Variants in RARB observed in about 807,000 individuals in gnomAD.
The protein encoded by RARB is HBV-activated protein.
In RARB, 17 loss-of-function variants were observed where a neutral mutation model predicts 51.9. The ratio of observed to expected loss-of-function variants is 0.33; its 90% CI spans 0.22 to 0.49. RARB has a LOEUF of 0.49. Among genes scored for constraint, RARB ranks in the 20% least tolerant of loss-of-function variants. The pLI is 0.99. For synonymous variants in RARB, 215 were observed against 195.4 expected, an observed-to-expected ratio of 1.10 and a Z score of -0.84; for missense variants, 369 against 550.8, an observed-to-expected ratio of 0.67 and a Z score of 3.30.
intron 4 of RARB, among the ~76,000 whole-genome samples, chr3:25,151,744 C>G (rs1575183881): frequency 6.6e-6 from 1 of 152,144 alleles, no homozygotes; most frequent in African/African-American, 2.4e-5. Flanking sequence ...AGTGGATGTC[C>G]TTTTGCTCCC....
chr3:25,538,929 G>A (rs966659879), intron 3 of RARB, among the ~76,000 whole-genome samples: 2 of 152,198 alleles, frequency 1.3e-5, no homozygotes, highest in Non-Finnish European at 2.9e-5. Context: ...CCCACAGCCA[G>A]CATTTTCCAA....
chr3:25,317,177 T>A (rs1405076598), intron 5 of RARB, among the ~76,000 whole-genome samples: 3 of 152,142 alleles, frequency 2.0e-5, no homozygotes, highest in Non-Finnish European at 1.5e-5. Context: ...GTCTTATTCT[T>A]TGTGTTCTTG....
chr3:25,216,581 TG>T (rs1449952375), intron 5 of RARB, among the ~76,000 whole-genome samples: 1 of 138,820 alleles, frequency 7.2e-6, no homozygotes, highest in East Asian at 2.2e-4. Context: ...CGGGGCCTAT[TG>T]GGGGGTGGGG....
intron 1 of RARB, among the ~76,000 whole-genome samples, chr3:24,839,281 T>C (rs1702386128): frequency 6.6e-6 from 1 of 152,138 alleles, no homozygotes; most frequent in African/African-American, 2.4e-5. Flanking sequence ...AGTGCTGTTC[T>C]TGAGTGTTTA....
intron 2 of RARB, among the ~76,000 whole-genome samples, chr3:25,026,274 A>C (rs1360052489): frequency 1.3e-5 from 2 of 152,216 alleles, no homozygotes; most frequent in African/African-American, 4.8e-5. Context: ...ACTCTAGTAA[A>C]ATATTACAGG....
intron 3 of RARB, among the ~76,000 whole-genome samples, chr3:25,546,011 A>G (rs1016207445): frequency 6.6e-6 from 1 of 152,176 alleles, no homozygotes; most frequent in African/African-American, 2.4e-5. Context: ...TAAAGACTCA[A>G]AGGAGGTGAG....
At chr3:25,431,905 GAT>G (rs1390764040) in intron 1 of RARB, among the ~76,000 whole-genome samples, 2 of 152,104 alleles carry the variant, frequency 1.3e-5, no homozygotes, top group Non-Finnish European at 2.9e-5. Flanking sequence ...CTCCTAGTGA[GAT>G]ATAAATTGGG....
intron 3 of RARB, among the ~76,000 whole-genome samples, chr3:25,078,534 A>G (rs375504153): frequency 1.4e-5 from 2 of 141,292 alleles, no homozygotes; most frequent in Non-Finnish European, 3.0e-5. Context: ...CCAACTTTCT[A>G]TTTTTTTTTT....
At position 25,379,900 on chromosome 3, in the gene RARB, C is replaced by T. The variant is rs185802957; in HGVS notation, c.179-81293C>T. Among the ~76,000 whole-genome samples the T allele has an allele frequency of 7.4e-3, 1,130 of 152,218 alleles. 18 individuals are homozygous for T. The highest frequency in any genetic ancestry group is 0.026 in the African/African-American group (1,071 of 41,522). The stretch of plus-strand genomic sequence containing the variant: ...TCCATGAAATTTAATAATATAGCCC[C>T]TCAGATAACTTTCCTTGGGGGTCAA... On this transcript the variant is annotated intron_variant, in intron 5 of 11. Transcript: ENST00000383772.
At chr3:25,541,406 A>G (rs568440008) in intron 3 of RARB, among the ~76,000 whole-genome samples, 1 of 152,212 alleles carries the variant, frequency 6.6e-6, no homozygotes, top group South Asian at 2.1e-4. Context: ...GTAATCATGC[A>G]TGAGGACACA....
chr3:25,473,251 A>G (rs954352709), intron 2 of RARB, among the ~76,000 whole-genome samples: 1 of 151,930 alleles, frequency 6.6e-6, no homozygotes, highest in African/African-American at 2.4e-5. Flanking sequence ...TGTCATATGG[A>G]TAAGCAACAC....
At chr3:25,201,650 A>C (rs1184471149) in intron 5 of RARB, among the ~76,000 whole-genome samples, 7 of 152,080 alleles carry the variant, frequency 4.6e-5, no homozygotes, top group African/African-American at 1.7e-4. Context: ...AGCGTTGTTG[A>C]GTTTTGTCAA....
At chr3:25,442,026 C>G (rs1458156459) in intron 1 of RARB, among the ~76,000 whole-genome samples, 1 of 152,170 alleles carries the variant, frequency 6.6e-6, no homozygotes, top group Non-Finnish European at 1.5e-5. Flanking sequence ...TCTACATTGT[C>G]TAATATCATA....
At chr3:25,231,406 C>G (rs961364063) in intron 5 of RARB, among the ~76,000 whole-genome samples, 7 of 152,150 alleles carry the variant, frequency 4.6e-5, no homozygotes, top group African/African-American at 1.7e-4. Context: ...TGTCTTCTAG[C>G]TGTCCAAAGT....
chr3:25,418,332 A>C (rs1320798222), intron 5 of RARB, among the ~76,000 whole-genome samples: 1 of 152,202 alleles, frequency 6.6e-6, no homozygotes, highest in Non-Finnish European at 1.5e-5. Context: ...AATGCCAAAC[A>C]TTACATGGTA....
intron 2 of RARB, among the ~76,000 whole-genome samples, chr3:25,031,166 A>G (rs997089223): frequency 1.3e-5 from 2 of 152,178 alleles, no homozygotes; most frequent in African/African-American, 2.4e-5. Flanking sequence ...AAGTTGTGAC[A>G]ACCAAATAAA....
intron 5 of RARB, among the ~76,000 whole-genome samples, chr3:25,383,238 AC>A (rs1271385311): frequency 6.6e-6 from 1 of 152,134 alleles, no homozygotes; most frequent in Non-Finnish European, 1.5e-5. Flanking sequence ...CAAGGTGAGA[AC>A]CCATGTCCTC....
chr3:25,318,171 C>G (rs191790930), intron 5 of RARB, among the ~76,000 whole-genome samples: 1 of 152,170 alleles, frequency 6.6e-6, no homozygotes, highest in Non-Finnish European at 1.5e-5. Context: ...TCTCTTTCCT[C>G]CCTCTTTATG....
chr3:25,028,000 A>C (rs1050602879), intron 2 of RARB, among the ~76,000 whole-genome samples: 1 of 152,154 alleles, frequency 6.6e-6, no homozygotes, highest in Non-Finnish European at 1.5e-5. Context: ...CCTTCTGTAA[A>C]TATGCCTTCC....
Sources: allele counts gnomAD v4.1 joint callset (sites outside exome capture counted in the v4.1 genomes callset), GRCh38; gene constraint gnomAD v4.1.1; transcripts MANE v1.5; gene names NCBI Gene and HGNC (gene_info 2026-07-23, HGNC 2026-07-21).